SEC22A: variants seen among roughly 807,000 people sequenced by gnomAD.
The protein encoded by SEC22A is vesicle-trafficking protein SEC22a.
Under a neutral mutation model 35.3 loss-of-function variants are expected in SEC22A, and 22 were observed. The observed-to-expected ratio is 0.62, with a 90% CI of 0.45 to 0.89. The LOEUF is 0.89. Among genes scored for constraint, SEC22A ranks in the 40% least tolerant of loss-of-function variants. The pLI, the probability that SEC22A is intolerant of heterozygous loss-of-function variation, is 0.00. For synonymous variants in SEC22A, 119 were observed against 129.5 expected (o/e 0.92, Z 0.55); for missense variants, 354 against 362.5 (o/e 0.98, Z 0.19).
chr3:123,236,074 A>G (rs1053642260), intron 4 of SEC22A, among the ~76,000 whole-genome samples: 13 of 152,156 alleles, frequency 8.5e-5, no homozygotes, highest in Admixed American at 6.5e-4. Flanking sequence ...GACTACTAAT[A>G]GGTATAAGAT....
chr3:123,223,476 T>A, intron 2 of SEC22A, 83 bp from the exon 3 acceptor site: 1 of 1,036,438 alleles, frequency 9.6e-7, no homozygotes, highest in African/African-American at 1.6e-5. Context: ...TAGCAGTTTA[T>A]GGTGTATAGA....
intron 4 of SEC22A, among the ~76,000 whole-genome samples, chr3:123,231,130 G>A (rs1033179007): frequency 3.9e-5 from 6 of 152,152 alleles, no homozygotes; most frequent in Admixed American, 3.3e-4. Context: ...AAACATACAT[G>A]CATTTAACAA....
intron 3 of SEC22A, among the ~76,000 whole-genome samples, chr3:123,224,519 T>TCC (rs1472956486): frequency 6.6e-6 from 1 of 152,126 alleles, no homozygotes; most frequent in Non-Finnish European, 1.5e-5. Flanking sequence ...TTGGGCCAGG[T>TCC]GTGGTGTGGC....
intron 2 of SEC22A, among the ~76,000 whole-genome samples, chr3:123,215,883 T>C (rs1937013230): frequency 6.6e-6 from 1 of 152,160 alleles, no homozygotes; most frequent in African/African-American, 2.4e-5. Flanking sequence ...TCAATAATAA[T>C]GAGGAACAGA....
intron 5 of SEC22A, among the ~76,000 whole-genome samples, chr3:123,259,029 A>C (rs953320628): frequency 6.6e-5 from 10 of 152,116 alleles, no homozygotes; most frequent in African/African-American, 1.2e-4. Flanking sequence ...GATTTAGCAC[A>C]CTCTAGTGGA....
intron 3 of SEC22A, among the ~76,000 whole-genome samples, 162 bp from the exon 4 acceptor site, chr3:123,224,941 A>G (rs1477490255): frequency 6.6e-6 from 1 of 152,242 alleles, no homozygotes; most frequent in Non-Finnish European, 1.5e-5. Flanking sequence ...TGATTCCATG[A>G]TACATTAATC....
At chr3:123,254,723 A>C (rs1559762245) in intron 5 of SEC22A, among the ~76,000 whole-genome samples, 1 of 146,982 alleles carries the variant, frequency 6.8e-6, no homozygotes, top group African/African-American at 2.5e-5. Context: ...TTTACCCTCT[A>C]TTTCTTTTCT....
intron 1 of SEC22A, among the ~76,000 whole-genome samples, chr3:123,204,470 C>T (rs1374656551): frequency 6.6e-6 from 1 of 152,172 alleles, no homozygotes; most frequent in Non-Finnish European, 1.5e-5. Flanking sequence ...AACGTATATA[C>T]AAAATCCACT....
At chr3:123,227,659 A>G (rs758832906) in intron 4 of SEC22A, among the ~76,000 whole-genome samples, 4 of 152,208 alleles carry the variant, frequency 2.6e-5, no homozygotes, top group Non-Finnish European at 5.9e-5. Flanking sequence ...CAAAGCAAAC[A>G]CATTTATCAT....
intron 4 of SEC22A, among the ~76,000 whole-genome samples, chr3:123,236,073 T>C (rs936478576): frequency 7.9e-5 from 12 of 152,160 alleles, no homozygotes; most frequent in Non-Finnish European, 1.5e-4. Flanking sequence ...TGACTACTAA[T>C]AGGTATAAGA....
intron 5 of SEC22A, among the ~76,000 whole-genome samples, chr3:123,257,938 GC>G (rs1163868819): frequency 1.4e-5 from 2 of 147,534 alleles, no homozygotes; most frequent in Non-Finnish European, 3.0e-5. Context: ...GTTGCAGTGA[GC>G]CAAGATTGTG....
intron 2 of SEC22A, among the ~76,000 whole-genome samples, chr3:123,222,971 T>G (rs1937155546): frequency 6.6e-6 from 1 of 152,262 alleles, no homozygotes; most frequent in South Asian, 2.1e-4. Context: ...ACACTCAGCA[T>G]TCTGCTTTAA....
At chr3:123,260,910 A>G (rs972063824) in intron 6 of SEC22A, among the ~76,000 whole-genome samples, 2 of 145,878 alleles carry the variant, frequency 1.4e-5, no homozygotes, top group African/African-American at 2.6e-5. Context: ...ATCTCGGCTC[A>G]CTGCAAGCTC....
In SEC22A at chr3:123,273,677, G is replaced by A. The variant is rs561545206; in HGVS notation, c.*1955G>A. ...ACAAAATTTAGCTGGGTGTGGTTGC[G>A]CGTGCCTTTAGTCCCAGCTACTCGG... On this transcript the variant is annotated 3_prime_UTR_variant, in exon 7 of 7. Transcript: ENST00000492595. 3 of 152,220 alleles carry A rather than the reference G, an allele frequency of 2.0e-5. No homozygotes were observed. Among genetic ancestry groups the A allele is most frequent in the Non-Finnish European group, 4.4e-5 (3 of 68,056 alleles). The allele number at this position is 152,220 out of a possible 1,614,324, so 9.4% of individuals were successfully genotyped here.
intron 2 of SEC22A, among the ~76,000 whole-genome samples, chr3:123,215,957 G>A (rs1937014050): frequency 6.6e-6 from 1 of 152,108 alleles, no homozygotes; most frequent in Admixed American, 6.5e-5. Flanking sequence ...TGTTTGGCAG[G>A]GAGAGGGTGT....
At chr3:123,249,986 G>A (rs1457869723) in intron 5 of SEC22A, among the ~76,000 whole-genome samples, 1 of 152,208 alleles carries the variant, frequency 6.6e-6, no homozygotes, top group Non-Finnish European at 1.5e-5. Context: ...GGAGCTCTGT[G>A]TCAGGAATCA....
chr3:123,214,136 A>C (rs1936984969), intron 2 of SEC22A, among the ~76,000 whole-genome samples: 1 of 152,244 alleles, frequency 6.6e-6, no homozygotes, highest in South Asian at 2.1e-4. Context: ...CGGAGGCTGC[A>C]GTGAGCTGAG....
chr3:123,223,069 A>G (rs573838495), intron 2 of SEC22A, among the ~76,000 whole-genome samples: 1 of 152,322 alleles, frequency 6.6e-6, no homozygotes, highest in Admixed American at 6.5e-5. Flanking sequence ...TGTGTAAAGT[A>G]GAGGATTTGA....
chr3:123,257,599 T>C (rs998728760), intron 5 of SEC22A, among the ~76,000 whole-genome samples: 1 of 152,106 alleles, frequency 6.6e-6, no homozygotes, highest in Non-Finnish European at 1.5e-5. Flanking sequence ...CTTGGGAGGC[T>C]GAGGCAGGAG....
Sources: gnomAD v4.1 joint callset for allele counts (sites outside exome capture counted in the v4.1 genomes callset) on GRCh38, gnomAD v4.1.1 for gene constraint, MANE v1.5 for transcripts, NCBI Gene and HGNC (gene_info 2026-07-23, HGNC 2026-07-21) for gene names.